MCC: variants seen among roughly 807,000 people sequenced by gnomAD.
The protein encoded by MCC is MCC regulator of Wnt signaling pathway.
In MCC, 90 loss-of-function variants were observed where a neutral mutation model predicts 116.2. The ratio of observed to expected loss-of-function variants is 0.77; its 90% CI spans 0.65 to 0.92. The LOEUF (loss-of-function observed/expected upper bound fraction) is 0.92, where lower values mean the gene tolerates loss of function less well. Ranked by LOEUF, MCC falls within the 40% of genes least tolerant of loss-of-function variation. MCC has a pLI of 0.00. For missense variants in MCC, 1,516 were observed against 1,312.2 expected, an observed-to-expected ratio of 1.16 and a Z score of -2.40; for synonymous variants, 578 against 510.5, an observed-to-expected ratio of 1.13 and a Z score of -1.78.
intron 3 of MCC, among the ~76,000 whole-genome samples, chr5:113,256,238 T>A (rs1013296955): frequency 1.3e-5 from 2 of 152,188 alleles, no homozygotes; most frequent in East Asian, 3.9e-4. Context: ...GTAACACCAC[T>A]ACTCTAACTG....
intron 3 of MCC, chr5:113,234,405 A>G (rs906604834): frequency 2.0e-5 from 3 of 152,190 alleles, no homozygotes; most frequent in Non-Finnish European, 2.9e-5. Flanking sequence ...TCTGAGAGCA[A>G]CACTTCAATA....
At chr5:113,175,552 C>T (rs77598471) in intron 3 of MCC, among the ~76,000 whole-genome samples, 18 of 152,074 alleles carry the variant, frequency 1.2e-4, no homozygotes, top group Non-Finnish European at 2.1e-4. Flanking sequence ...TCAAACTGGA[C>T]GGGGAGTAGT....
intron 3 of MCC, among the ~76,000 whole-genome samples, chr5:113,158,766 G>T (rs180874428): frequency 2.0e-5 from 3 of 152,266 alleles, no homozygotes; most frequent in Admixed American, 2.0e-4. Flanking sequence ...AATTGCAATG[G>T]CAAAAACTGC....
chr5:113,419,910 T>C (rs255860), intron 1 of MCC, among the ~76,000 whole-genome samples: 44,056 of 145,218 alleles, frequency 0.3, 7,133 homozygotes, highest in African/African-American at 0.33. Flanking sequence ...TTAGGAGATA[T>C]ACCTAATGCT....
At chr5:113,101,693 C>T (rs1412449960) in intron 8 of MCC, 46 bp downstream of exon 8, 4 of 1,601,278 alleles carry the variant, frequency 2.5e-6, no homozygotes, top group Non-Finnish European at 3.4e-6. Context: ...CTCTCTCAGC[C>T]CCATGCCCAG....
chr5:113,488,333 T>TGCTGCTGCC lies in MCC; in HGVS notation c.81_82insGGCAGCAGC (p.Ser27_Ser28insGlySerSer), dbSNP rs747753043. The TGCTGCTGCC allele has an allele frequency of 6.8e-7, 1 of 1,464,226 alleles. No individual in the cohort carries two copies. Among genetic ancestry groups the TGCTGCTGCC allele is most frequent in the South Asian group, 1.3e-5 (1 of 78,472 alleles). 90.7% of individuals were successfully genotyped at this position (1,464,226 alleles called of 1,614,324 possible). On this transcript the variant is annotated inframe_insertion, in exon 1 of 19. Transcript: ENST00000408903. ...TCGCCGGTGCTGGACGTGTCGCTGC[T>TGCTGCTGCC]GCTGCTGCTGCTGCCGCTGCCGCCG... is the stretch of plus-strand genomic sequence containing the variant.
chr5:113,145,844 A>C (rs1421974451), intron 4 of MCC, among the ~76,000 whole-genome samples: 2 of 151,548 alleles, frequency 1.3e-5, no homozygotes, highest in African/African-American at 4.8e-5. Context: ...CCAGATGGAG[A>C]GGGAGAGCTT....
intron 4 of MCC, among the ~76,000 whole-genome samples, 175 bp from the exon 5 acceptor site, chr5:113,143,535 T>C (rs1317105959): frequency 1.3e-5 from 2 of 152,196 alleles, no homozygotes; most frequent in Non-Finnish European, 2.9e-5. Flanking sequence ...GGCTAAATTT[T>C]ATAATTCCCC....
At chr5:113,352,628 C>G (rs1226882182) in intron 2 of MCC, among the ~76,000 whole-genome samples, 1 of 152,074 alleles carries the variant, frequency 6.6e-6, no homozygotes, top group African/African-American at 2.4e-5. Flanking sequence ...CTGAAGCATT[C>G]AAATTATTTC....
chr5:113,466,828 C>T (rs1464829686), intron 1 of MCC, among the ~76,000 whole-genome samples: 1 of 151,808 alleles, frequency 6.6e-6, no homozygotes, highest in Non-Finnish European at 1.5e-5. Flanking sequence ...TATTTCTCCA[C>T]ATCCTCTCCA....
intron 18 of MCC, 133 bp downstream of exon 18, chr5:113,028,801 C>T (rs914878701): frequency 5.1e-5 from 54 of 1,064,598 alleles, no homozygotes; most frequent in Non-Finnish European, 6.9e-5. Context: ...CAGGTAGGGA[C>T]TCACCCACTT....
chr5:113,442,785 G>T (rs747979845), intron 1 of MCC, among the ~76,000 whole-genome samples: 1 of 152,104 alleles, frequency 6.6e-6, no homozygotes, highest in Non-Finnish European at 1.5e-5. Context: ...CTTGTGTCAG[G>T]TTTGTCAAAG....
chr5:113,201,156 T>C (rs922925203), intron 3 of MCC, among the ~76,000 whole-genome samples: 5 of 151,956 alleles, frequency 3.3e-5, no homozygotes, highest in African/African-American at 1.2e-4. Flanking sequence ...GAGGCCGAGA[T>C]GGGAGGATCA....
intron 3 of MCC, among the ~76,000 whole-genome samples, chr5:113,316,682 C>T (rs190517133): frequency 3.9e-5 from 6 of 152,228 alleles, no homozygotes; most frequent in Admixed American, 1.3e-4. Context: ...AAACACAATG[C>T]GTAATTCTAT....
At chr5:113,395,619 C>A (rs1252248384) in intron 1 of MCC, among the ~76,000 whole-genome samples, 1 of 152,166 alleles carries the variant, frequency 6.6e-6, no homozygotes. Context: ...CTCTTTCCCC[C>A]CAGGCTGCTG....
At chr5:113,200,259 G>A (rs11241196) in intron 3 of MCC, among the ~76,000 whole-genome samples, 76,969 of 152,122 alleles carry the variant, frequency 0.51, 23,441 homozygotes, top group East Asian at 0.71. Context: ...TGGTCTGTGA[G>A]TAGTAAACAT....
At chr5:113,436,218 T>G (rs1163357218) in intron 1 of MCC, 1 of 152,644 alleles carries the variant, frequency 6.6e-6, no homozygotes, top group African/African-American at 2.4e-5. Context: ...CAACTCTGAC[T>G]GCCCACTGCC....
intron 11 of MCC, among the ~76,000 whole-genome samples, chr5:113,079,148 C>G (rs181052748): frequency 5.3e-5 from 8 of 151,808 alleles, no homozygotes; most frequent in Non-Finnish European, 1.2e-4. Context: ...CACTGCTCAA[C>G]GAAATAGAAG....
intron 3 of MCC, among the ~76,000 whole-genome samples, chr5:113,152,587 A>G (rs1241606708): frequency 6.6e-6 from 1 of 152,228 alleles, no homozygotes; most frequent in Non-Finnish European, 1.5e-5. Context: ...CTCAACTTTG[A>G]AGATTCTCAT....
Sources: allele counts gnomAD v4.1 joint callset (sites outside exome capture counted in the v4.1 genomes callset), GRCh38; gene constraint gnomAD v4.1.1; transcripts MANE v1.5; gene names NCBI Gene and HGNC (gene_info 2026-07-23, HGNC 2026-07-21).